Variants in CREB3L1 observed in about 807,000 individuals in gnomAD.
CREB3L1 encodes the protein cyclic AMP-responsive element-binding protein 3-like protein 1.
In CREB3L1, 33 loss-of-function variants were observed where a neutral mutation model predicts 54.5. The ratio of observed to expected loss-of-function variants is 0.61; its 90% CI spans 0.46 to 0.81. CREB3L1 has a LOEUF of 0.81. Ranked by LOEUF, CREB3L1 falls within the 30% of genes least tolerant of loss-of-function variation. The pLI is 0.00. For synonymous variants in CREB3L1, 284 were observed against 286.4 expected (o/e 0.99, Z 0.08); for missense variants, 656 against 673.3 (o/e 0.97, Z 0.29).
chr11:46,288,675 G>A (rs758224843), intron 1 of CREB3L1, among the ~76,000 whole-genome samples: 3 of 152,154 alleles, frequency 2.0e-5, no homozygotes, highest in Non-Finnish European at 4.4e-5. Flanking sequence ...GAGCAAAACC[G>A]GATCCCCAGG....
intron 1 of CREB3L1, among the ~76,000 whole-genome samples, chr11:46,286,164 C>G (rs117105038): frequency 0.014 from 2,108 of 152,130 alleles, 21 homozygotes; most frequent in Non-Finnish European, 0.019. Context: ...TGACTGAGTG[C>G]TCAGGAAATG....
At chr11:46,284,004 G>A (rs963331926) in intron 1 of CREB3L1, among the ~76,000 whole-genome samples, 16 of 152,152 alleles carry the variant, frequency 1.1e-4, no homozygotes, top group African/African-American at 3.6e-4. Context: ...AGTGCTGTCT[G>A]TGCCCCGATA....
Position 46,312,634 on chromosome 11 carries a change from G to T in CREB3L1, c.926G>T (p.Arg309Leu). ...KNKISAQESR[R>L]KKKEYVECLE... ...TAGATCTCAGCCCAGGAGAGCCGTC[G>T]TAAGAAGAAGGAGTATGTGGAGTGT... The change falls in exon 7 of 12, where the codon CGT becomes CTT. Residue 309 changes from arginine (R) to leucine (L), a missense_variant. Physicochemically the swap from Arg to Leu is moderately radical, Grantham distance 102. Around this residue, in one of 3 missense-constraint regions of CREB3L1, gnomAD observed 77 missense variants for 122.0 expected, o/e 0.63. Transcript: ENST00000621158. 1.9e-6 allele frequency: 3 copies of T among 1,610,790 alleles called. No individual in the cohort carries two copies. Among genetic ancestry groups the T allele is most frequent in the Non-Finnish European group, 2.5e-6 (3 of 1,178,352 alleles).
chr11:46,302,029 A>G (rs901808567), intron 2 of CREB3L1, among the ~76,000 whole-genome samples: 1 of 151,404 alleles, frequency 6.6e-6, no homozygotes, highest in African/African-American at 2.4e-5. Context: ...TTAGCCGGGC[A>G]TGGTGGCGGG....
Position 46,307,871 on chromosome 11 carries a change from G to A in CREB3L1, c.387G>A (p.Lys129=), listed in dbSNP as rs775919141. The change falls in exon 3 of 12, where the codon AAG becomes AAA. Residue 129 remains lysine, a synonymous_variant. Transcript: ENST00000621158. ...LGHKLCSIMV[K]QEQSPELPVD... ...ACAAACTGTGCTCCATCATGGTGAA[G>A]CAGGAGCAGAGCCCGGAGCTGCCCG... The A allele has an allele frequency of 1.2e-5, 19 of 1,582,686 alleles. No individual in the cohort carries two copies. The highest frequency in any genetic ancestry group is 2.7e-5 in the African/African-American group (2 of 74,022).
At chr11:46,284,433 C>G (rs558101352) in intron 1 of CREB3L1, among the ~76,000 whole-genome samples, 2 of 152,098 alleles carry the variant, frequency 1.3e-5, no homozygotes, top group South Asian at 4.2e-4. Flanking sequence ...GGTGGATCAC[C>G]TGAGTTCAGG....
At position 46,305,694 on chromosome 11, in the gene CREB3L1, G is replaced by A. The variant is rs1566187756; in HGVS notation, c.332-2122G>A. On this transcript the variant is annotated intron_variant, in intron 2 of 11. Coordinates refer to ENST00000621158, the MANE Select transcript of CREB3L1 (RefSeq NM_052854.4). Reference sequence around the variant, plus strand: ...TATATGTGTGTGTGTGTATATATGTGTGTGTGTGTGTGTGTGTGTGTGTGT... The same window carrying A: ...TATATGTGTGTGTGTGTATATATGTATGTGTGTGTGTGTGTGTGTGTGTGT... 2.8e-3 allele frequency among the ~76,000 whole-genome samples: 249 copies of A among 88,222 alleles called. 4 individuals are homozygous for A. The South Asian group carries it at 0.044, about 16-fold the overall frequency. The allele number at this position is 88,222 out of a possible 152,430, so 57.9% of individuals were successfully genotyped here.
intron 8 of CREB3L1, chr11:46,315,060 G>A (rs1939545634): frequency 1.1e-5 from 2 of 184,784 alleles, no homozygotes; most frequent in Non-Finnish European, 2.4e-5. Context: ...CCTGTGGTAG[G>A]TCTTTAATAA....
At position 46,281,853 on chromosome 11, in the gene CREB3L1, G is replaced by C. The variant is rs950817288; in HGVS notation, c.102+3640G>C. Among the ~76,000 whole-genome samples the C allele has an allele frequency of 9.9e-5, 15 of 152,210 alleles. 1 individual carries two copies. Among genetic ancestry groups the C allele is most frequent in the African/African-American group, 3.4e-4 (14 of 41,442 alleles). Reference sequence around the variant, plus strand: ...TGTTTAAGTTCTCACCAACAGGAAAGAGGACAGAAGTGCTAAGGCACTCTG... The same window carrying C: ...TGTTTAAGTTCTCACCAACAGGAAACAGGACAGAAGTGCTAAGGCACTCTG... On this transcript the variant is annotated intron_variant, in intron 1 of 11. Coordinates refer to ENST00000621158, the MANE Select transcript of CREB3L1 (RefSeq NM_052854.4).
rs570201987 is a variant in CREB3L1 at position 46,320,524 on chromosome 11, G to T, written c.1519G>T (p.Asp507Tyr). The T allele has an allele frequency of 7.0e-7, 1 of 1,424,406 alleles. No individual in the cohort carries two copies. Among genetic ancestry groups the T allele is most frequent in the South Asian group, 1.2e-5 (1 of 81,838 alleles). The allele number at this position is 1,424,406 out of a possible 1,614,324, so 88.2% of individuals were successfully genotyped here. The change falls in exon 11 of 12, where the codon GAC (aspartate) becomes TAC (tyrosine). Residue 507 changes from aspartate to tyrosine, a missense_variant. This residue lies in a region of CREB3L1 where 240 missense variants were observed against 219.8 expected (regional missense o/e 1.09). Coordinates refer to ENST00000621158, the MANE Select transcript of CREB3L1 (RefSeq NM_052854.4). Reference protein sequence around the residue: ...DFSHSKEWFHDRDLGPNTTIK... With the variant: ...DFSHSKEWFHYRDLGPNTTIK... ...CTCCCACTCCAAGGAGTGGTTCCACGACAGGTGGGGTGTGTGGCCCCTTTC... is the reference window on the plus strand; with the variant it reads ...CTCCCACTCCAAGGAGTGGTTCCACTACAGGTGGGGTGTGTGGCCCCTTTC...
chr11:46,302,553 T>C (rs1452831925), intron 2 of CREB3L1, among the ~76,000 whole-genome samples: 1 of 152,216 alleles, frequency 6.6e-6, no homozygotes, highest in Non-Finnish European at 1.5e-5. Flanking sequence ...TATCTACAAA[T>C]GCAAATAACA....
intron 1 of CREB3L1, among the ~76,000 whole-genome samples, chr11:46,298,705 CAGAA>C (rs746490808): frequency 3.9e-5 from 6 of 151,946 alleles, no homozygotes; most frequent in African/African-American, 7.3e-5. Context: ...ACAAGCAAGA[CAGAA>C]AGAGAGAGAA....
intron 8 of CREB3L1, among the ~76,000 whole-genome samples, chr11:46,313,851 T>A (rs913526426): frequency 2.0e-5 from 3 of 152,136 alleles, no homozygotes; most frequent in Non-Finnish European, 4.4e-5. Context: ...AGCTCTGGGT[T>A]CTTACGCTGC....
intron 8 of CREB3L1, 91 bp from the exon 9 acceptor site, chr11:46,316,195 C>G: frequency 1.3e-6 from 1 of 785,074 alleles, no homozygotes; most frequent in Non-Finnish European, 2.1e-6. Flanking sequence ...GCGTGGAGGC[C>G]AAGTCTGGAG....
intron 1 of CREB3L1, among the ~76,000 whole-genome samples, chr11:46,293,677 A>G (rs1180424567): frequency 4.6e-5 from 7 of 152,222 alleles, no homozygotes; most frequent in Non-Finnish European, 8.8e-5. Context: ...TCAGTGTCCC[A>G]GCCCCATGCA....
chr11:46,283,137 G>C (rs909223279), intron 1 of CREB3L1, among the ~76,000 whole-genome samples: 1 of 152,122 alleles, frequency 6.6e-6, no homozygotes, highest in African/African-American at 2.4e-5. Flanking sequence ...ACTGCAGTGA[G>C]CCATAATGGC....
Position 46,300,106 on chromosome 11 carries a change from G to A in CREB3L1, c.274G>A (p.Gly92Ser), listed in dbSNP as rs200839792. The A allele has an allele frequency of 1.4e-3, 2,232 of 1,613,826 alleles. 9 individuals carry two copies. The highest frequency in any genetic ancestry group is 1.7e-3 in the Non-Finnish European group (2,032 of 1,179,804). Residue 92 changes from glycine to serine, a missense_variant, in exon 2 of 12, where the codon GGC (glycine) becomes AGC (serine). This residue lies in a region of CREB3L1 where 339 missense variants were observed against 331.5 expected (regional missense o/e 1.02). Coordinates refer to ENST00000621158, the MANE Select transcript of CREB3L1 (RefSeq NM_052854.4). ...IQAEHSYSLSGDSAPQSPLVP... is the reference protein window; with the variant it reads ...IQAEHSYSLSSDSAPQSPLVP... ...GGCGGAGCACAGCTACTCCCTGAGC[G>A]GCGACTCAGCGCCCCAGAGCCCCCT...
At chr11:46,279,911 A>G (rs1309335148) in intron 1 of CREB3L1, among the ~76,000 whole-genome samples, 1 of 152,176 alleles carries the variant, frequency 6.6e-6, no homozygotes, top group African/African-American at 2.4e-5. Flanking sequence ...CCAGCTGCTT[A>G]TCTGGGCCTT....
rs1939405178 is a variant in CREB3L1, at chr11:46,306,893, TCAGA to T, written c.332-918_332-915del. Among the ~76,000 whole-genome samples, 3 of 151,606 alleles carry T rather than the reference TCAGA, an allele frequency of 2.0e-5. No individual in the cohort carries two copies. In the South Asian group the frequency reaches 6.3e-4, roughly 32 times the overall value. On this transcript the variant is annotated intron_variant, in intron 2 of 11. Coordinates refer to ENST00000621158, the MANE Select transcript of CREB3L1 (RefSeq NM_052854.4). ...CAATTCTCTCTCTTTTTTTTTTTTT[TCAGA>T]CAGAGTCTCACTCTTGCCCAGGCTG...
Sources: allele counts gnomAD v4.1 joint callset (sites outside exome capture counted in the v4.1 genomes callset), GRCh38; gene constraint gnomAD v4.1.1; regional missense constraint gnomAD v4.1.1; transcripts MANE v1.5; gene names NCBI Gene and HGNC (gene_info 2026-07-23, HGNC 2026-07-21).